The following PVT1 variants were observed in gnomAD, a reference collection of about 807,000 sequenced individuals.
PVT1 encodes the protein Pvt1 oncogene, also known as CXCR4/PVT1 fusion.
chr8:128,098,296 A>G (rs1814454247), intron 6 of PVT1, among the ~76,000 whole-genome samples: 1 of 152,174 alleles, frequency 6.6e-6, no homozygotes, highest in South Asian at 2.1e-4. Context: ...GAGGCTTCAG[A>G]AATCTCGGGA....
chr8:127,967,610 G>T lies in PVT1; in HGVS notation n.783-21552G>T, dbSNP rs569918495. Among the ~76,000 whole-genome samples, 67 of 152,286 alleles carry T rather than the reference G, an allele frequency of 4.4e-4. No individual in the cohort carries two copies. The South Asian group carries it at 0.013, about 30-fold the overall frequency. On this transcript the variant is annotated intron_variant and non_coding_transcript_variant, in intron 3 of 10. Coordinates refer to ENST00000651587, the Ensembl canonical transcript of PVT1. ...GTGGCCCTGCCAAGAATAAGGCCTC[G>T]TCAGGAAAGGCTCACCCTGTATTTT...
intron 4 of PVT1, among the ~76,000 whole-genome samples, chr8:128,068,123 C>T (rs1232654986): frequency 1.3e-5 from 2 of 151,962 alleles, no homozygotes; most frequent in Admixed American, 6.6e-5. Flanking sequence ...ATACATTTTA[C>T]AGGGATGTGT....
chr8:127,977,213 C>G (rs1341802053), intron 3 of PVT1, among the ~76,000 whole-genome samples: 1 of 152,146 alleles, frequency 6.6e-6, no homozygotes, highest in Non-Finnish European at 1.5e-5. Context: ...GTATCACCCT[C>G]AGAAATAAGG....
intron 2 of PVT1, among the ~76,000 whole-genome samples, chr8:127,862,892 A>G (rs1241049057): frequency 1.3e-5 from 2 of 151,998 alleles, no homozygotes; most frequent in Non-Finnish European, 2.9e-5. Context: ...TAACTTGTGA[A>G]TTTTGCAGAT....
intron 3 of PVT1, among the ~76,000 whole-genome samples, chr8:127,901,700 C>T: frequency 6.6e-6 from 1 of 151,974 alleles, no homozygotes; most frequent in East Asian, 1.9e-4. Context: ...GCATGAACCA[C>T]CATTGTACAG....
chr8:127,885,751 G>A (rs1317924268), intron 2 of PVT1, among the ~76,000 whole-genome samples: 1 of 152,174 alleles, frequency 6.6e-6, no homozygotes, highest in African/African-American at 2.4e-5. Context: ...ATTTTCAGAT[G>A]AGGAAATTAA....
chr8:127,824,901 C>G (rs1367324474), intron 2 of PVT1, among the ~76,000 whole-genome samples: 1 of 152,074 alleles, frequency 6.6e-6, no homozygotes, highest in Admixed American at 6.5e-5. Flanking sequence ...GGGTGGAACA[C>G]TTGAGGTCAG....
chr8:127,886,782 G>A (rs1416876599), intron 2 of PVT1, among the ~76,000 whole-genome samples: 1 of 152,122 alleles, frequency 6.6e-6, no homozygotes, highest in East Asian at 1.9e-4. Context: ...GGTCATCTCA[G>A]GATCATGGGG....
At chr8:127,945,552 G>C (rs967649559) in intron 3 of PVT1, among the ~76,000 whole-genome samples, 6 of 152,184 alleles carry the variant, frequency 3.9e-5, no homozygotes, top group Non-Finnish European at 7.3e-5. Flanking sequence ...ACTGCCCCAT[G>C]CTGAAGGCCC....
intron 2 of PVT1, among the ~76,000 whole-genome samples, chr8:127,826,553 G>T (rs1814790583): frequency 6.6e-6 from 1 of 152,170 alleles, no homozygotes; most frequent in Non-Finnish European, 1.5e-5. Context: ...GATGGTGAGT[G>T]TCTATTTTGG....
chr8:127,828,369 C>CAAT (rs1314447054), intron 2 of PVT1, among the ~76,000 whole-genome samples: 1 of 152,106 alleles, frequency 6.6e-6, no homozygotes, highest in East Asian at 1.9e-4. Flanking sequence ...ATAACAACAA[C>CAAT]AATAATTAGA....
chr8:128,065,203 T>C lies in PVT1; in HGVS notation n.913-4957T>C, dbSNP rs35394641. ...AGTCTCTTCTTTTTTATTTTTTATTTTTTTTTGAGACACAATTTCACTCTG... is the reference window on the plus strand; with the variant it reads ...AGTCTCTTCTTTTTTATTTTTTATTCTTTTTTGAGACACAATTTCACTCTG... On this transcript the variant is annotated intron_variant and non_coding_transcript_variant, in intron 4 of 10. Coordinates refer to ENST00000651587, the Ensembl canonical transcript of PVT1. Among the ~76,000 whole-genome samples the C allele has an allele frequency of 2.6e-5, 4 of 151,870 alleles. No individual in the cohort carries two copies. The South Asian group carries it at 8.3e-4, about 31-fold the overall frequency.
In PVT1 at chr8:127,903,566, C is replaced by T. The variant is rs189354429; in HGVS notation, n.782+12568C>T. 3.7e-3 allele frequency among the ~76,000 whole-genome samples: 568 copies of T among 152,156 alleles called. 2 individuals carry two copies. The highest frequency in any genetic ancestry group is 5.9e-3 in the Non-Finnish European group (401 of 67,964). The stretch of plus-strand genomic sequence containing the variant: ...TTCTAGGATTTTTATAGTTTGAAGT[C>T]TTAAGTCTTTAATCCATGTTGAGTT... On this transcript the variant is annotated intron_variant and non_coding_transcript_variant, in intron 3 of 10. Coordinates refer to ENST00000651587, the Ensembl canonical transcript of PVT1.
rs1306658386 is a variant in PVT1 at position 127,898,049 on chromosome 8, G to T, written n.782+7051G>T. Among the ~76,000 whole-genome samples the T allele has an allele frequency of 6.7e-6, 1 of 148,868 alleles. No homozygotes were observed. The highest frequency in any genetic ancestry group is 2.5e-5 in the African/African-American group (1 of 40,332). On this transcript the variant is annotated intron_variant and non_coding_transcript_variant, in intron 3 of 10. Transcript: ENST00000651587. The surrounding 1 kb of genome is among the most constrained non-coding windows in gnomAD (Gnocchi z 4.4). ...AGTGAAGAAATATACTCTGTCCTTT[G>T]TACCTGCGTGAAGAAAGAAAAGAAA...
At chr8:127,907,179 G>A (rs113274887) in intron 3 of PVT1, among the ~76,000 whole-genome samples, 2,120 of 151,970 alleles carry the variant, frequency 0.014, 42 homozygotes, top group African/African-American at 0.049. Flanking sequence ...ATGTTGGCCA[G>A]GCTAGTCTTG....
chr8:127,879,952 G>A lies in PVT1; in HGVS notation n.373-10637G>A, dbSNP rs1358443470. Among the ~76,000 whole-genome samples the A allele has an allele frequency of 2.0e-5, 3 of 152,178 alleles. No homozygotes were observed. The East Asian group carries it at 5.8e-4, about 29-fold the overall frequency. ...TGGGCAAGTCACTTTACTTCTCCAGGCCTTACTTCTCAGCTCTTCAGTGAG... is the reference window on the plus strand; with the variant it reads ...TGGGCAAGTCACTTTACTTCTCCAGACCTTACTTCTCAGCTCTTCAGTGAG... On this transcript the variant is annotated intron_variant and non_coding_transcript_variant, in intron 2 of 10. Coordinates refer to ENST00000651587, the Ensembl canonical transcript of PVT1.
At chr8:128,024,053 A>C (rs920832860) in intron 4 of PVT1, among the ~76,000 whole-genome samples, 1 of 152,244 alleles carries the variant, frequency 6.6e-6, no homozygotes, top group Non-Finnish European at 1.5e-5. Context: ...AGGAGGTAAC[A>C]GCTCAAACTT....
intron 4 of PVT1, among the ~76,000 whole-genome samples, chr8:128,052,479 A>G (rs1467773279): frequency 6.6e-6 from 1 of 152,102 alleles, no homozygotes; most frequent in Non-Finnish European, 1.5e-5. Context: ...AGCTGCTGTA[A>G]TTGCTCATCT....
At chr8:127,837,153 C>G (rs1163510421) in intron 2 of PVT1, among the ~76,000 whole-genome samples, 1 of 152,186 alleles carries the variant, frequency 6.6e-6, no homozygotes, top group Non-Finnish European at 1.5e-5. Context: ...ATAATTATCA[C>G]CTAGTCCCCA....
Sources: gnomAD v4.1 joint callset for allele counts (sites outside exome capture counted in the v4.1 genomes callset) on GRCh38, gnomAD v4.1.1 for gene constraint, Gnocchi (gnomAD v3.1) non-coding constraint, MANE v1.5 for transcripts, NCBI Gene and HGNC (gene_info 2026-07-23, HGNC 2026-07-21) for gene names.